Variants in DCAF1 observed in about 807,000 individuals in gnomAD.
DCAF1 encodes DDB1- and CUL4-associated factor 1.
DCAF1 carries 15 observed loss-of-function variants against 128.0 expected under a neutral mutation model. The observed-to-expected ratio is 0.12, with a 90% confidence interval of 0.08 to 0.18. The LOEUF (loss-of-function observed/expected upper bound fraction) is 0.18. DCAF1 is among the 10% of genes least tolerant of loss of function. The probability of loss-of-function intolerance (pLI) is 1.00; values close to 1 mark genes in which losing one functional copy is unlikely to be tolerated. For missense variants in DCAF1, 988 were observed against 1,649.5 expected (o/e 0.60, Z 6.95); for synonymous variants, 610 against 603.0 (o/e 1.01, Z -0.17).
chr3:51,468,337 A>C (rs1553647243), intron 4 of DCAF1, among the ~76,000 whole-genome samples: 1 of 151,880 alleles, frequency 6.6e-6, no homozygotes, highest in African/African-American at 2.4e-5. Context: ...ACGCTCAGCT[A>C]ATTCCTGTAT....
intron 10 of DCAF1, among the ~76,000 whole-genome samples, chr3:51,431,799 A>G (rs373649382): frequency 7.4e-5 from 11 of 147,708 alleles, no homozygotes; most frequent in Non-Finnish European, 7.5e-5. Context: ...AAAAAGTACA[A>G]AAAAAAAAAA....
intron 3 of DCAF1, among the ~76,000 whole-genome samples, chr3:51,477,060 C>T (rs1705551174): frequency 6.6e-6 from 1 of 151,784 alleles, no homozygotes. Context: ...CCAGCCTGAG[C>T]GACAGAGTGA....
At chr3:51,451,985 T>C (rs1702402423) in intron 6 of DCAF1, among the ~76,000 whole-genome samples, 1 of 152,074 alleles carries the variant, frequency 6.6e-6, no homozygotes, top group South Asian at 2.1e-4. Context: ...GTTTCAAGGT[T>C]TAAAAAAAAG....
intron 6 of DCAF1, among the ~76,000 whole-genome samples, chr3:51,447,303 G>A (rs1553640498): frequency 6.6e-6 from 1 of 151,650 alleles, no homozygotes; most frequent in African/African-American, 2.4e-5. Flanking sequence ...CCAACTATTC[G>A]GGAGGCTGAG....
chr3:51,461,354 A>G (rs1397341699), intron 6 of DCAF1, among the ~76,000 whole-genome samples: 1 of 152,242 alleles, frequency 6.6e-6, no homozygotes, highest in Non-Finnish European at 1.5e-5. Flanking sequence ...AATCAAAACC[A>G]CAATGAGATA....
intron 3 of DCAF1, among the ~76,000 whole-genome samples, chr3:51,471,376 G>T (rs1704728121): frequency 1.3e-5 from 2 of 151,250 alleles, no homozygotes; most frequent in South Asian, 4.2e-4. Flanking sequence ...GTAGAGACGG[G>T]GTTTCACCAT....
At chr3:51,412,109 T>TGA (rs1312612615) in intron 23 of DCAF1, among the ~76,000 whole-genome samples, 1 of 29,460 alleles carries the variant, frequency 3.4e-5, no homozygotes, top group Non-Finnish European at 6.8e-5. Context: ...AACTCCATTC[T>TGA]AAAAAAAAAA....
At chr3:51,477,546 G>C (rs1463493312) in intron 3 of DCAF1, among the ~76,000 whole-genome samples, 1 of 151,756 alleles carries the variant, frequency 6.6e-6, no homozygotes, top group Non-Finnish European at 1.5e-5. Flanking sequence ...AGGATCACTT[G>C]AGTCCAGGAG....
intron 2 of DCAF1, among the ~76,000 whole-genome samples, chr3:51,487,204 G>A (rs182732089): frequency 4.0e-5 from 6 of 151,428 alleles, no homozygotes; most frequent in South Asian, 2.1e-4. Flanking sequence ...TCTCTTGACC[G>A]CGTGATCCGC....
chr3:51,403,069 A>C, intron 24 of DCAF1, 74 bp downstream of exon 24: 1 of 1,508,118 alleles, frequency 6.6e-7, no homozygotes, highest in Non-Finnish European at 8.8e-7. Context: ...CTTGCCCTCT[A>C]AGTTGTATGG....
intron 1 of DCAF1, among the ~76,000 whole-genome samples, chr3:51,499,264 C>T (rs1214734584): frequency 6.6e-6 from 1 of 152,210 alleles, no homozygotes. Context: ...GGTTTGACTC[C>T]AGGCTGCGGG....
chr3:51,417,399 A>G (rs2096816585), intron 17 of DCAF1, among the ~76,000 whole-genome samples: 1 of 152,122 alleles, frequency 6.6e-6, no homozygotes, highest in South Asian at 2.1e-4. Context: ...AACCTAAGTG[A>G]CAGAATGAGA....
At chr3:51,468,663 A>G (rs1704399332) in intron 4 of DCAF1, among the ~76,000 whole-genome samples, 1 of 152,234 alleles carries the variant, frequency 6.6e-6, no homozygotes, top group Admixed American at 6.5e-5. Context: ...AGAGAAAAGT[A>G]TCACAAAAAC....
intron 6 of DCAF1, among the ~76,000 whole-genome samples, chr3:51,462,373 T>C (rs1703693048): frequency 6.6e-6 from 1 of 152,006 alleles, no homozygotes; most frequent in Non-Finnish European, 1.5e-5. Context: ...GAGCTGAGAC[T>C]GCACCACTGC....
intron 2 of DCAF1, among the ~76,000 whole-genome samples, chr3:51,495,373 C>T (rs889852414): frequency 1.3e-5 from 2 of 151,858 alleles, no homozygotes; most frequent in African/African-American, 2.4e-5. Context: ...AAAGGCAAGG[C>T]GTGGTGGCTC....
intron 21 of DCAF1, 100 bp downstream of exon 21, chr3:51,413,182 T>G: frequency 6.5e-7 from 1 of 1,545,062 alleles, no homozygotes; most frequent in Non-Finnish European, 8.7e-7. Flanking sequence ...AACTTCTCTG[T>G]TTTTCAATAA....
chr3:51,461,557 A>T (rs1200068544), intron 6 of DCAF1, among the ~76,000 whole-genome samples: 1 of 152,100 alleles, frequency 6.6e-6, no homozygotes, highest in Admixed American at 6.6e-5. Flanking sequence ...CCATCCCATT[A>T]CTGGGTATAT....
chr3:51,409,568 C>T (rs1698214138), intron 23 of DCAF1, among the ~76,000 whole-genome samples: 1 of 152,166 alleles, frequency 6.6e-6, no homozygotes, highest in South Asian at 2.1e-4. Flanking sequence ...CAACATGTAA[C>T]ATCCAAGAAG....
At chr3:51,489,853 AGAT>A (rs367705338) in intron 2 of DCAF1, among the ~76,000 whole-genome samples, 56,207 of 151,200 alleles carry the variant, frequency 0.37, 13,245 homozygotes, top group Non-Finnish European at 0.52. Flanking sequence ...ATAGATAGAT[AGAT>A]AGATGGTATC....
Sources: allele counts gnomAD v4.1 joint callset (sites outside exome capture counted in the v4.1 genomes callset), GRCh38; gene constraint gnomAD v4.1.1; transcripts MANE v1.5; gene names NCBI Gene and HGNC (gene_info 2026-07-23, HGNC 2026-07-21).